CACNA2D1: variants seen among roughly 807,000 people sequenced by gnomAD.
The protein encoded by CACNA2D1 is voltage-dependent calcium channel subunit alpha-2/delta-1.
In CACNA2D1, 53 loss-of-function variants were observed where a neutral mutation model predicts 171.5. That is an observed-to-expected ratio of 0.31 (90% CI 0.25 to 0.39). The LOEUF (loss-of-function observed/expected upper bound fraction) is 0.39, where lower values mean the gene tolerates loss of function less well. CACNA2D1 is among the 10% of genes least tolerant of loss of function. CACNA2D1 has a pLI of 1.00. For synonymous variants in CACNA2D1, 442 were observed against 443.1 expected, an observed-to-expected ratio of 1.00 and a Z score of 0.03; for missense variants, 903 against 1,299.8, an observed-to-expected ratio of 0.69 and a Z score of 4.69.
intron 8 of CACNA2D1, among the ~76,000 whole-genome samples, chr7:82,065,115 A>AT (rs3842173): frequency 0.48 from 73,639 of 151,924 alleles, 20,443 homozygotes; most frequent in African/African-American, 0.77. Context: ...CCTGACATCA[A>AT]TTTTTTTACT....
intron 3 of CACNA2D1, among the ~76,000 whole-genome samples, chr7:82,210,760 T>C (rs1800468101): frequency 6.6e-6 from 1 of 152,196 alleles, no homozygotes; most frequent in African/African-American, 2.4e-5. Flanking sequence ...AAACGTCTAA[T>C]GCACAAACAT....
At chr7:82,318,340 G>A (rs1260371531) in intron 3 of CACNA2D1, among the ~76,000 whole-genome samples, 4 of 152,080 alleles carry the variant, frequency 2.6e-5, no homozygotes, top group Non-Finnish European at 5.9e-5. Context: ...CTAGACCAGA[G>A]TTTCCCCAAA....
chr7:82,277,883 C>A (rs1216986223), intron 3 of CACNA2D1, among the ~76,000 whole-genome samples: 1 of 151,126 alleles, frequency 6.6e-6, no homozygotes, highest in Non-Finnish European at 1.5e-5. Flanking sequence ...GTAGCTGGGA[C>A]CACAGGCACA....
At chr7:82,113,425 T>C (rs1788674701) in intron 6 of CACNA2D1, among the ~76,000 whole-genome samples, 1 of 152,148 alleles carries the variant, frequency 6.6e-6, no homozygotes, top group African/African-American at 2.4e-5. Context: ...GGTTTGGGTG[T>C]CCTCTAAAAG....
At chr7:81,953,776 A>G (rs973863506) in intron 38 of CACNA2D1, among the ~76,000 whole-genome samples, 3 of 152,198 alleles carry the variant, frequency 2.0e-5, no homozygotes, top group African/African-American at 7.2e-5. Flanking sequence ...AAATTACCAC[A>G]CAAGACCCAT....
chr7:82,180,925 G>T (rs1032845679), intron 3 of CACNA2D1, among the ~76,000 whole-genome samples: 1 of 151,666 alleles, frequency 6.6e-6, no homozygotes, highest in Non-Finnish European at 1.5e-5. Flanking sequence ...AGGCTTTCTC[G>T]CAGGTGTTGC....
intron 1 of CACNA2D1, among the ~76,000 whole-genome samples, chr7:82,373,449 A>T (rs1822645722): frequency 6.6e-6 from 1 of 152,214 alleles, no homozygotes; most frequent in Non-Finnish European, 1.5e-5. Context: ...CTCAACCTTT[A>T]TAATTCATTT....
intron 1 of CACNA2D1, among the ~76,000 whole-genome samples, chr7:82,398,164 T>C (rs761135695): frequency 6.6e-5 from 10 of 152,180 alleles, no homozygotes; most frequent in South Asian, 2.1e-4. Flanking sequence ...AAGGGCTCAA[T>C]AGCCTTAGAG....
At position 82,335,143 on chromosome 7, in the gene CACNA2D1, C is replaced by T; in HGVS notation, c.286G>A (p.Ala96Thr). 1 of 1,592,286 alleles carries T rather than the reference C, an allele frequency of 6.3e-7. No individual in the cohort carries two copies. The part of the protein sequence containing the change: ...IEKLLSNRSK[A>T]LVRLALEAEK... The stretch of plus-strand genomic sequence containing the variant: ...ATCCAATTTAAACTCACCACCAGGG[C>T]TTTAGATCTGTTGCTCAGAAGTTTC... The change falls in exon 3 of 39, where the codon GCC becomes ACC. Residue 96 changes from alanine (A) to threonine (T), a missense_variant. This residue lies in a region of CACNA2D1 where 189 missense variants were observed against 266.8 expected (regional missense o/e 0.71). Coordinates refer to ENST00000356860, the MANE Select transcript of CACNA2D1 (RefSeq NM_000722.4).
chr7:82,047,843 T>TA lies in CACNA2D1; in HGVS notation c.880-9609dup, dbSNP rs574679145. Among the ~76,000 whole-genome samples the TA allele has an allele frequency of 6.6e-5, 10 of 152,202 alleles. No individual in the cohort carries two copies. In the East Asian group the frequency reaches 1.2e-3, roughly 18 times the overall value. On this transcript the variant is annotated intron_variant, in intron 10 of 38. Coordinates refer to ENST00000356860, the MANE Select transcript of CACNA2D1 (RefSeq NM_000722.4). ...AAATGAAGTGACGTGAAATATTAAA[T>TA]AAACGAAGTGGTTGAATAACTAAAA...
At chr7:82,259,161 C>T (rs1806744555) in intron 3 of CACNA2D1, among the ~76,000 whole-genome samples, 1 of 152,066 alleles carries the variant, frequency 6.6e-6, no homozygotes, top group African/African-American at 2.4e-5. Context: ...TAAAGTCTTA[C>T]ATCTGATTCC....
At chr7:82,404,315 C>T (rs78570211) in intron 1 of CACNA2D1, among the ~76,000 whole-genome samples, 3 of 152,094 alleles carry the variant, frequency 2.0e-5, no homozygotes, top group East Asian at 1.9e-4. Context: ...ACATGGAGAG[C>T]GAGGGATCTG....
intron 10 of CACNA2D1, among the ~76,000 whole-genome samples, chr7:82,050,001 GC>G (rs1805006838): frequency 6.6e-6 from 1 of 152,240 alleles, no homozygotes; most frequent in African/African-American, 2.4e-5. Context: ...TTCAAATTGT[GC>G]AGCAATTTAC....
intron 10 of CACNA2D1, among the ~76,000 whole-genome samples, chr7:82,059,633 T>C (rs1392707001): frequency 6.6e-6 from 1 of 152,042 alleles, no homozygotes; most frequent in Non-Finnish European, 1.5e-5. Context: ...TAGTCATTAC[T>C]TCAATTACTT....
chr7:82,102,429 C>CATAAT (rs3839800), intron 6 of CACNA2D1, among the ~76,000 whole-genome samples: 72,673 of 151,340 alleles, frequency 0.48, 18,017 homozygotes, highest in Non-Finnish European at 0.53. Flanking sequence ...GTGGAAATAC[C>CATAAT]ATATTTGTTG....
chr7:82,354,024 TC>T (rs1312670868), intron 1 of CACNA2D1, among the ~76,000 whole-genome samples: 1 of 152,052 alleles, frequency 6.6e-6, no homozygotes, highest in Admixed American at 6.6e-5. Flanking sequence ...ACCTTCTCCC[TC>T]CCTTCTTCGC....
intron 3 of CACNA2D1, among the ~76,000 whole-genome samples, chr7:82,316,026 C>CA (rs2129435519): frequency 6.6e-6 from 1 of 150,748 alleles, no homozygotes; most frequent in East Asian, 1.9e-4. Context: ...AAAAATTCAA[C>CA]AAAAAAACCT....
intron 4 of CACNA2D1, among the ~76,000 whole-genome samples, chr7:82,143,870 T>C (rs1004687971): frequency 1.3e-5 from 2 of 152,178 alleles, no homozygotes; most frequent in Non-Finnish European, 1.5e-5. Context: ...AGTTTCTATG[T>C]TTTAAAAACT....
intron 34 of CACNA2D1, among the ~76,000 whole-genome samples, chr7:81,963,656 C>T (rs948814463): frequency 8.6e-5 from 13 of 151,872 alleles, no homozygotes; most frequent in Admixed American, 2.6e-4. Context: ...GCCATCATGC[C>T]ATGAATTTGA....
Sources: allele counts gnomAD v4.1 joint callset (sites outside exome capture counted in the v4.1 genomes callset), GRCh38; gene constraint gnomAD v4.1.1; regional missense constraint gnomAD v4.1.1; transcripts MANE v1.5; gene names NCBI Gene and HGNC (gene_info 2026-07-23, HGNC 2026-07-21).